The following RNF169 variants were observed in gnomAD, a reference collection of about 807,000 sequenced individuals.
The protein encoded by RNF169 is ring finger protein 169.
RNF169 carries 24 observed loss-of-function variants against 53.9 expected under a neutral mutation model. That is an observed-to-expected ratio of 0.45 (90% CI 0.32 to 0.63). RNF169 has a LOEUF of 0.63. Ranked by LOEUF, RNF169 falls within the 20% of genes least tolerant of loss-of-function variation. The pLI is 0.04. For missense variants in RNF169, 883 were observed against 906.2 expected (o/e 0.97, Z 0.33); for synonymous variants, 396 against 363.5 (o/e 1.09, Z -1.02).
intron 4 of RNF169, among the ~76,000 whole-genome samples, chr11:74,817,943 A>G (rs1380716541): frequency 6.6e-6 from 1 of 152,184 alleles, no homozygotes; most frequent in East Asian, 1.9e-4. Flanking sequence ...GATTGTGCTA[A>G]TTGCTGTGCT....
chr11:74,786,721 A>G (rs1210396880), intron 1 of RNF169, among the ~76,000 whole-genome samples: 1 of 152,158 alleles, frequency 6.6e-6, no homozygotes, highest in Non-Finnish European at 1.5e-5. Context: ...GTTTTTACTC[A>G]TATTGCACTC....
Position 74,835,987 on chromosome 11 carries a change from G to C in RNF169, c.1384G>C (p.Glu462Gln), listed in dbSNP as rs761868287. 3 of 1,614,184 alleles carry C rather than the reference G, an allele frequency of 1.9e-6. No homozygotes were observed. Among genetic ancestry groups the C allele is most frequent in the Non-Finnish European group, 2.5e-6 (3 of 1,180,032 alleles). The change falls in exon 6 of 6, where the codon GAG (glutamate) becomes CAG (glutamine). Residue 462 changes from glutamate (E) to glutamine (Q), a missense_variant. Transcript: ENST00000299563. The stretch of plus-strand genomic sequence containing the variant: ...CTCTCTGGCTCCTGAAATGGGGGAA[G>C]AGTTACTAGGCTCTGAAGGTATCCA... ...LTSLAPEMGE[E>Q]LLGSEGIHSS...
chr11:74,812,197 T>C (rs1383488716), intron 3 of RNF169, among the ~76,000 whole-genome samples: 1 of 152,216 alleles, frequency 6.6e-6, no homozygotes, highest in African/African-American at 2.4e-5. Flanking sequence ...ACAGCCAGTT[T>C]TACAAATGCA....
At chr11:74,787,285 G>A (rs1021612149) in intron 1 of RNF169, among the ~76,000 whole-genome samples, 6 of 152,144 alleles carry the variant, frequency 3.9e-5, no homozygotes, top group African/African-American at 1.4e-4. Flanking sequence ...TGCTAGTCAT[G>A]TAACATAAAG....
intron 1 of RNF169, among the ~76,000 whole-genome samples, chr11:74,787,275 T>C (rs1591405329): frequency 6.6e-6 from 1 of 152,312 alleles, no homozygotes; most frequent in Non-Finnish European, 1.5e-5. Flanking sequence ...GGAAGAGTAT[T>C]GCTAGTCATG....
intron 2 of RNF169, among the ~76,000 whole-genome samples, chr11:74,808,756 C>T (rs2035836918): frequency 6.6e-6 from 1 of 152,132 alleles, no homozygotes; most frequent in Non-Finnish European, 1.5e-5. Flanking sequence ...CTTTGTATAG[C>T]CTGTAGTCAA....
chr11:74,817,783 G>A, intron 4 of RNF169, 69 bp downstream of exon 4: 3 of 955,706 alleles, frequency 3.1e-6, no homozygotes, highest in Admixed American at 1.8e-5. Flanking sequence ...GGGACTGGGG[G>A]AGCAAAGGTA....
At chr11:74,782,368 A>G (rs1001289603) in intron 1 of RNF169, among the ~76,000 whole-genome samples, 2 of 152,202 alleles carry the variant, frequency 1.3e-5, no homozygotes, top group African/African-American at 2.4e-5. Flanking sequence ...CCTATTAGGA[A>G]CACGGCCACA....
At position 74,836,826 on chromosome 11, in the gene RNF169, C is replaced by A; in HGVS notation, c.*96C>A. 1.1e-6 allele frequency: 1 copy of A among 910,020 alleles called. No individual in the cohort carries two copies. The highest frequency in any genetic ancestry group is 1.6e-6 in the Non-Finnish European group (1 of 611,174). 56.4% of individuals were successfully genotyped at this position (910,020 alleles called of 1,614,324 possible). ...TCTCACTTTGGTTTTATTTTAATGG[C>A]AAAACACTGTCTAATATGGTTCTGA... On this transcript the variant is annotated 3_prime_UTR_variant, in exon 6 of 6. Transcript: ENST00000299563.
intron 1 of RNF169, among the ~76,000 whole-genome samples, chr11:74,784,629 A>G (rs2035462504): frequency 6.6e-6 from 1 of 152,244 alleles, no homozygotes; most frequent in South Asian, 2.1e-4. Flanking sequence ...ATTGGGGTTT[A>G]TATTAGCTGA....
chr11:74,787,887 A>C (rs2035526459), intron 1 of RNF169, among the ~76,000 whole-genome samples: 1 of 152,170 alleles, frequency 6.6e-6, no homozygotes, highest in Admixed American at 6.5e-5. Context: ...TGGAGATTTA[A>C]ACTCACCTTG....
At chr11:74,757,806 G>T (rs1591385779) in intron 1 of RNF169, among the ~76,000 whole-genome samples, 1 of 64,976 alleles carries the variant, frequency 1.5e-5, no homozygotes, top group Admixed American at 2.0e-4. Flanking sequence ...CTTTTGAGAA[G>T]TGTCTGTTCA....
At chr11:74,749,472 T>TA (rs111614451) in intron 1 of RNF169, 90 bp downstream of exon 1, 247,235 of 1,040,294 alleles carry the variant, frequency 0.24, 31,867 homozygotes, top group African/African-American at 0.43. Context: ...TCCCGGGCCC[T>TA]ACTCGGGCGG....
At chr11:74,778,606 G>C (rs2035370812) in intron 1 of RNF169, among the ~76,000 whole-genome samples, 1 of 152,188 alleles carries the variant, frequency 6.6e-6, no homozygotes, top group African/African-American at 2.4e-5. Flanking sequence ...TACAGGGAGA[G>C]ACTCCAGTGG....
intron 3 of RNF169, among the ~76,000 whole-genome samples, chr11:74,816,776 TC>T (rs1235433935): frequency 6.6e-6 from 1 of 152,196 alleles, no homozygotes; most frequent in Admixed American, 6.5e-5. Flanking sequence ...CTCAGGGAGT[TC>T]CATGTGTGGG....
intron 1 of RNF169, among the ~76,000 whole-genome samples, chr11:74,761,941 C>A (rs544075831): frequency 4.0e-5 from 6 of 149,694 alleles, no homozygotes; most frequent in Admixed American, 1.3e-4. Flanking sequence ...TCAGGTATAC[C>A]AATCAGACGT....
intron 3 of RNF169, among the ~76,000 whole-genome samples, chr11:74,814,704 G>A (rs1008161792): frequency 5.3e-5 from 8 of 151,902 alleles, no homozygotes; most frequent in African/African-American, 1.9e-4. Context: ...TTTTGTGTGT[G>A]TAAATAAAGA....
chr11:74,840,003 T>G lies in RNF169; in HGVS notation c.*3273T>G, dbSNP rs2036328102. ...AGCAGCACTGGTAATAAATGTTTTATTTTTTGTTCATTTTCCCTAAAGGAA... is the reference window on the plus strand; with the variant it reads ...AGCAGCACTGGTAATAAATGTTTTAGTTTTTGTTCATTTTCCCTAAAGGAA... On this transcript the variant is annotated 3_prime_UTR_variant, in exon 6 of 6. Coordinates refer to ENST00000299563, the MANE Select transcript of RNF169 (RefSeq NM_001098638.2). The G allele has an allele frequency of 6.6e-6, 1 of 152,238 alleles. No individual in the cohort carries two copies. The highest frequency in any genetic ancestry group is 1.5e-5 in the Non-Finnish European group (1 of 68,044). 9.4% of individuals were successfully genotyped at this position (152,238 alleles called of 1,614,324 possible).
chr11:74,753,678 A>C (rs1253287646), intron 1 of RNF169, among the ~76,000 whole-genome samples: 1 of 152,224 alleles, frequency 6.6e-6, no homozygotes, highest in East Asian at 1.9e-4. Flanking sequence ...GCTGGAAATG[A>C]AATTTTGTAG....
Sources: gnomAD v4.1 joint callset for allele counts (sites outside exome capture counted in the v4.1 genomes callset) on GRCh38, gnomAD v4.1.1 for gene constraint, MANE v1.5 for transcripts, NCBI Gene and HGNC (gene_info 2026-07-23, HGNC 2026-07-21) for gene names.